Variants in PTPRD observed in about 807,000 individuals in gnomAD.
PTPRD encodes the protein protein tyrosine phosphatase receptor type D.
In PTPRD, 34 loss-of-function variants were observed where a neutral mutation model predicts 214.5. That is an observed-to-expected ratio of 0.16 (90% CI 0.12 to 0.21). The LOEUF (loss-of-function observed/expected upper bound fraction) is 0.21. Among genes scored for constraint, PTPRD ranks in the 10% least tolerant of loss-of-function variants. PTPRD has a pLI of 1.00. For synonymous variants in PTPRD, 1,128 were observed against 845.7 expected (o/e 1.33, Z -5.79); for missense variants, 2,545 against 2,398.7 (o/e 1.06, Z -1.27).
Position 8,527,447 on chromosome 9 carries a change from T to C in PTPRD, c.542-94A>G, listed in dbSNP as rs150852891. On this transcript the variant is annotated intron_variant, in intron 15 of 45. Transcript: ENST00000381196. ...CAAATTTTTCAGAGTTAAAGCTTTATATACTAAATCATCTATGTTACATGT... is the reference window on the plus strand; with the variant it reads ...CAAATTTTTCAGAGTTAAAGCTTTACATACTAAATCATCTATGTTACATGT... 6.8e-4 allele frequency: 739 copies of C among 1,084,728 alleles called. 9 individuals are homozygous for C. The East Asian group carries it at 0.016, about 24-fold the overall frequency. The allele number at this position is 1,084,728 out of a possible 1,614,324, so 67.2% of individuals were successfully genotyped here. A position where few individuals can be genotyped will look rare whatever the true frequency, so the allele number is the denominator to read the frequency against.
chr9:9,501,453 A>G (rs1305815958), intron 8 of PTPRD, among the ~76,000 whole-genome samples: 1 of 151,974 alleles, frequency 6.6e-6, no homozygotes, highest in African/African-American at 2.4e-5. Context: ...GCACCTAATA[A>G]CAGAGTTTAA....
intron 21 of PTPRD, 74 bp downstream of exon 21, chr9:8,517,770 CTTCT>C (rs532121617): frequency 2.0e-4 from 246 of 1,241,926 alleles, no homozygotes; most frequent in Admixed American, 4.0e-4. Flanking sequence ...ATCTTTGTTC[CTTCT>C]TTGTTTTTGT....
intron 9 of PTPRD, among the ~76,000 whole-genome samples, chr9:9,296,814 A>C (rs1285831020): frequency 6.6e-6 from 1 of 151,810 alleles, no homozygotes; most frequent in Non-Finnish European, 1.5e-5. Context: ...AATGAATTTG[A>C]ACAAATTTTA....
intron 3 of PTPRD, among the ~76,000 whole-genome samples, chr9:10,076,637 C>T (rs2098135876): frequency 6.6e-6 from 1 of 152,106 alleles, no homozygotes; most frequent in African/African-American, 2.4e-5. Flanking sequence ...ATATATGAGC[C>T]TTGCCTAGGC....
intron 44 of PTPRD, among the ~76,000 whole-genome samples, chr9:8,330,131 A>G (rs1838498581): frequency 6.6e-6 from 1 of 152,024 alleles, no homozygotes; most frequent in Non-Finnish European, 1.5e-5. Flanking sequence ...AGGAAAGGGA[A>G]ATCCCCTGAC....
At chr9:9,393,399 C>T (rs1423095037) in intron 9 of PTPRD, among the ~76,000 whole-genome samples, 3 of 152,108 alleles carry the variant, frequency 2.0e-5, no homozygotes, top group Non-Finnish European at 4.4e-5. Context: ...CCATGCTAGT[C>T]TGCTATATGG....
chr9:10,551,853 C>T lies in PTPRD; in HGVS notation c.-600+60545G>A, dbSNP rs1045734749. The stretch of plus-strand genomic sequence containing the variant: ...AAAAAACTAGTGAAAAATGACTTTA[C>T]ATTATTCAGAATCCTGAGACTTGAA... On this transcript the variant is annotated intron_variant, in intron 2 of 45. Transcript: ENST00000381196. Among the ~76,000 whole-genome samples the T allele has an allele frequency of 1.6e-4, 24 of 152,150 alleles. 2 individuals carry two copies. Among genetic ancestry groups the T allele is most frequent in the Admixed American group, 1.4e-3 (22 of 15,274 alleles).
chr9:8,556,747 TA>T (rs535600886), intron 14 of PTPRD, among the ~76,000 whole-genome samples: 1 of 151,752 alleles, frequency 6.6e-6, no homozygotes, highest in Non-Finnish European at 1.5e-5. Context: ...TTTTGACAGG[TA>T]AAAAAAGTGT....
chr9:8,733,144 T>C (rs2098678371), intron 12 of PTPRD, among the ~76,000 whole-genome samples: 1 of 152,248 alleles, frequency 6.6e-6, no homozygotes, highest in Admixed American at 6.5e-5. Context: ...GTCAAGTTAA[T>C]GGACCACAAT....
At chr9:10,295,948 C>T (rs1185201174) in intron 3 of PTPRD, among the ~76,000 whole-genome samples, 5 of 151,952 alleles carry the variant, frequency 3.3e-5, no homozygotes, top group African/African-American at 9.7e-5. Context: ...TCCACATTGA[C>T]CAAGAGAATA....
chr9:10,555,400 T>A (rs2062312484), intron 2 of PTPRD, among the ~76,000 whole-genome samples: 1 of 152,190 alleles, frequency 6.6e-6, no homozygotes, highest in South Asian at 2.1e-4. Flanking sequence ...GGAAGGAAGA[T>A]ATTACCTATT....
At chr9:9,305,557 T>C (rs922824047) in intron 9 of PTPRD, among the ~76,000 whole-genome samples, 6 of 152,082 alleles carry the variant, frequency 3.9e-5, no homozygotes, top group African/African-American at 1.4e-4. Flanking sequence ...CAATAGCGCC[T>C]CTCTCTTCTG....
At chr9:10,172,022 C>G (rs1004092330) in intron 3 of PTPRD, among the ~76,000 whole-genome samples, 3 of 152,054 alleles carry the variant, frequency 2.0e-5, no homozygotes, top group African/African-American at 7.2e-5. Context: ...GAATTTATTT[C>G]AAGTTCCAAA....
chr9:8,576,884 A>G (rs2092450880), intron 14 of PTPRD, among the ~76,000 whole-genome samples: 1 of 152,138 alleles, frequency 6.6e-6, no homozygotes, highest in East Asian at 1.9e-4. Context: ...TATTGATGCT[A>G]CCTTTTGAGT....
chr9:8,878,641 C>T (rs1445028155), intron 11 of PTPRD, among the ~76,000 whole-genome samples: 1 of 152,146 alleles, frequency 6.6e-6, no homozygotes, highest in Non-Finnish European at 1.5e-5. Context: ...AGTCCTCCCA[C>T]CTCAGCCTCC....
chr9:10,239,345 T>A (rs1321899374), intron 3 of PTPRD, among the ~76,000 whole-genome samples: 2 of 151,988 alleles, frequency 1.3e-5, no homozygotes, highest in Non-Finnish European at 2.9e-5. Flanking sequence ...TTAAAGACAT[T>A]CTATGTATAG....
intron 10 of PTPRD, among the ~76,000 whole-genome samples, chr9:9,131,365 G>A (rs1172780829): frequency 1.3e-5 from 2 of 152,094 alleles, no homozygotes; most frequent in East Asian, 1.9e-4. Flanking sequence ...AGAAACAATG[G>A]ACTTTTCACA....
chr9:10,142,963 A>T (rs1265689451), intron 3 of PTPRD, among the ~76,000 whole-genome samples: 1 of 151,994 alleles, frequency 6.6e-6, no homozygotes, highest in Admixed American at 6.6e-5. Flanking sequence ...TGATGAGTTC[A>T]TGTCCTTTGT....
At chr9:10,081,873 T>C (rs1425254831) in intron 3 of PTPRD, among the ~76,000 whole-genome samples, 1 of 152,124 alleles carries the variant, frequency 6.6e-6, no homozygotes, top group East Asian at 1.9e-4. Flanking sequence ...GATTACGGTA[T>C]GATGCAGTCA....
Sources: gnomAD v4.1 joint callset for allele counts (sites outside exome capture counted in the v4.1 genomes callset) on GRCh38, gnomAD v4.1.1 for gene constraint, MANE v1.5 for transcripts, NCBI Gene and HGNC (gene_info 2026-07-23, HGNC 2026-07-21) for gene names.